Variants in GRID2 observed in about 807,000 individuals in gnomAD.
GRID2 encodes the protein glutamate receptor ionotropic, delta-2.
Under a neutral mutation model 114.8 loss-of-function variants are expected in GRID2, and 33 were observed. That is an observed-to-expected ratio of 0.29 (90% confidence interval 0.22 to 0.38). The LOEUF is 0.38. Ranked by LOEUF, GRID2 falls within the 10% of genes least tolerant of loss-of-function variation. The probability of loss-of-function intolerance (pLI) is 1.00; values close to 1 mark genes in which losing one functional copy is unlikely to be tolerated. For missense variants in GRID2, 1,184 were observed against 1,257.7 expected (o/e 0.94, Z 0.89); for synonymous variants, 505 against 449.9 (o/e 1.12, Z -1.55).
chr4:93,304,208 C>T (rs570434075), intron 8 of GRID2, among the ~76,000 whole-genome samples: 50 of 26,486 alleles, frequency 1.9e-3, no homozygotes, highest in Admixed American at 4.5e-3. Flanking sequence ...AATTTAAAAT[C>T]GAGAACTATT....
At chr4:92,751,964 G>A (rs576998493) in intron 2 of GRID2, among the ~76,000 whole-genome samples, 47 of 152,280 alleles carry the variant, frequency 3.1e-4, no homozygotes, top group Admixed American at 2.9e-3. Context: ...AGTGTTCTAA[G>A]GGCTGTCGGT....
intron 13 of GRID2, among the ~76,000 whole-genome samples, chr4:93,576,050 G>A (rs989997158): frequency 1.3e-5 from 2 of 152,110 alleles, no homozygotes; most frequent in African/African-American, 4.8e-5. Context: ...TGAGAAGCTT[G>A]TGATATTTAT....
chr4:93,015,537 T>C (rs1411874189), intron 2 of GRID2, among the ~76,000 whole-genome samples: 1 of 152,164 alleles, frequency 6.6e-6, no homozygotes, highest in East Asian at 1.9e-4. Context: ...ACATGCTAAT[T>C]GCTTAGATAA....
At chr4:92,978,397 C>T (rs1024423208) in intron 2 of GRID2, among the ~76,000 whole-genome samples, 6 of 152,014 alleles carry the variant, frequency 3.9e-5, no homozygotes, top group African/African-American at 7.2e-5. Flanking sequence ...TTATTCTTGT[C>T]CATTATTGTA....
chr4:93,724,594 C>T (rs1418357949), intron 14 of GRID2, among the ~76,000 whole-genome samples: 1 of 152,034 alleles, frequency 6.6e-6, no homozygotes, highest in Non-Finnish European at 1.5e-5. Context: ...ATCCTTTAAT[C>T]AAAGCCTTGT....
chr4:92,866,034 A>G (rs1201114266), intron 2 of GRID2, among the ~76,000 whole-genome samples: 1 of 152,252 alleles, frequency 6.6e-6, no homozygotes, highest in Non-Finnish European at 1.5e-5. Context: ...ATTCATTTAC[A>G]GAACCAAAGG....
chr4:93,609,339 G>C (rs1740686156), intron 13 of GRID2, among the ~76,000 whole-genome samples: 1 of 85,084 alleles, frequency 1.2e-5, no homozygotes, highest in Non-Finnish European at 2.7e-5. Flanking sequence ...TGTCAATTTT[G>C]GCTTTTGTTG....
intron 8 of GRID2, among the ~76,000 whole-genome samples, chr4:93,391,822 A>G (rs530152475): frequency 6.6e-6 from 1 of 152,302 alleles, no homozygotes; most frequent in Admixed American, 6.5e-5. Flanking sequence ...TCATGCAAAT[A>G]CATCAATCCA....
At chr4:93,193,093 T>C (rs1741144863) in intron 4 of GRID2, among the ~76,000 whole-genome samples, 1 of 152,188 alleles carries the variant, frequency 6.6e-6, no homozygotes, top group East Asian at 1.9e-4. Flanking sequence ...GCTACCAGAA[T>C]ACTCTTAAAG....
intron 2 of GRID2, among the ~76,000 whole-genome samples, chr4:92,752,935 TC>T (rs1239907289): frequency 1.3e-5 from 2 of 152,156 alleles, no homozygotes; most frequent in Non-Finnish European, 2.9e-5. Flanking sequence ...TTATACCAAT[TC>T]TTTTTTGAAC....
chr4:93,720,146 A>C (rs79377590), intron 14 of GRID2, among the ~76,000 whole-genome samples: 6,613 of 151,970 alleles, frequency 0.044, 226 homozygotes, highest in African/African-American at 0.087. Context: ...GAGAGCCCCC[A>C]AAAAAAATGA....
chr4:92,492,899 C>T (rs1373676653), intron 1 of GRID2, among the ~76,000 whole-genome samples: 3 of 151,960 alleles, frequency 2.0e-5, no homozygotes, highest in South Asian at 2.1e-4. Flanking sequence ...GAGGCCTAGG[C>T]GCGCGGATCA....
At chr4:93,404,923 C>T (rs901116448) in intron 9 of GRID2, among the ~76,000 whole-genome samples, 1 of 152,044 alleles carries the variant, frequency 6.6e-6, no homozygotes, top group Non-Finnish European at 1.5e-5. Flanking sequence ...ACAGAAAATT[C>T]CAGCAACCTA....
chr4:92,483,008 C>A (rs1297144310), intron 1 of GRID2, among the ~76,000 whole-genome samples: 2 of 152,102 alleles, frequency 1.3e-5, no homozygotes, highest in East Asian at 3.8e-4. Flanking sequence ...CTAGACACAT[C>A]TAGACAAACT....
At chr4:92,777,393 C>T (rs530937052) in intron 2 of GRID2, among the ~76,000 whole-genome samples, 13 of 152,134 alleles carry the variant, frequency 8.5e-5, no homozygotes, top group East Asian at 7.7e-4. Flanking sequence ...CGTGCCTCCA[C>T]GTTTTTCTCA....
chr4:93,553,345 C>G (rs1033205045), intron 13 of GRID2, among the ~76,000 whole-genome samples: 8 of 152,184 alleles, frequency 5.3e-5, no homozygotes, highest in African/African-American at 1.9e-4. Flanking sequence ...GGTGGTATCT[C>G]ATTGTGGTTT....
intron 1 of GRID2, among the ~76,000 whole-genome samples, chr4:92,483,146 T>C (rs1016663294): frequency 3.3e-5 from 5 of 152,128 alleles, no homozygotes; most frequent in African/African-American, 1.2e-4. Context: ...GAAACCAGCC[T>C]GGCCAATATG....
intron 1 of GRID2, among the ~76,000 whole-genome samples, chr4:93,783,781 A>C (rs2110352714): frequency 6.6e-6 from 1 of 152,062 alleles, no homozygotes. Context: ...CCTTAGAAAA[A>C]CCAACCCTTG....
At position 92,320,280 on chromosome 4, in the gene GRID2, G is replaced by A. The variant is rs537692417; in HGVS notation, c.88+15536G>A. 7.9e-5 allele frequency among the ~76,000 whole-genome samples: 12 copies of A among 152,138 alleles called. No homozygotes were observed. In the East Asian group the frequency reaches 2.1e-3, roughly 27 times the overall value. On this transcript the variant is annotated intron_variant, in intron 1 of 15. Coordinates refer to ENST00000282020, the MANE Select transcript of GRID2 (RefSeq NM_001510.4). Reference sequence around the variant, plus strand: ...TAAAAAAGGAAACAGTGTTTTTCTAGTCATCTTTTTCTAGCTTTTCCTCAA... The same window carrying A: ...TAAAAAAGGAAACAGTGTTTTTCTAATCATCTTTTTCTAGCTTTTCCTCAA...
Sources: gnomAD v4.1 joint callset for allele counts (sites outside exome capture counted in the v4.1 genomes callset) on GRCh38, gnomAD v4.1.1 for gene constraint, MANE v1.5 for transcripts, NCBI Gene and HGNC (gene_info 2026-07-23, HGNC 2026-07-21) for gene names.